The following MAN1A2 variants were observed in gnomAD, a reference collection of about 807,000 sequenced individuals.
MAN1A2 encodes mannosidase alpha class 1A member 2.
A neutral mutation model predicts 75.7 loss-of-function variants in MAN1A2; 26 were observed. The observed-to-expected ratio is 0.34, with a 90% CI of 0.25 to 0.48. The LOEUF (loss-of-function observed/expected upper bound fraction) is 0.48, where lower values mean the gene tolerates loss of function less well. Among genes scored for constraint, MAN1A2 ranks in the 20% least tolerant of loss-of-function variants. The probability of loss-of-function intolerance (pLI) is 0.99; values close to 1 mark genes in which losing one functional copy is unlikely to be tolerated. For missense variants in MAN1A2, 562 were observed against 775.5 expected, an observed-to-expected ratio of 0.72 and a Z score of 3.27; for synonymous variants, 247 against 264.6, an observed-to-expected ratio of 0.93 and a Z score of 0.65.
intron 1 of MAN1A2, among the ~76,000 whole-genome samples, chr1:117,374,265 C>T (rs1047304595): frequency 1.3e-5 from 2 of 152,124 alleles, no homozygotes; most frequent in African/African-American, 2.4e-5. Context: ...TCCGTGCATT[C>T]CAGCCTGAGA....
At chr1:117,443,941 G>T (rs1029334388) in intron 6 of MAN1A2, among the ~76,000 whole-genome samples, 1 of 151,754 alleles carries the variant, frequency 6.6e-6, no homozygotes, top group East Asian at 1.9e-4. Flanking sequence ...TTTGGCTGGG[G>T]TCTACGCATT....
At chr1:117,389,173 G>A (rs909729977) in intron 1 of MAN1A2, among the ~76,000 whole-genome samples, 1 of 152,140 alleles carries the variant, frequency 6.6e-6, no homozygotes, top group African/African-American at 2.4e-5. Context: ...AAGAAAGAAC[G>A]AGTTACTATG....
intron 3 of MAN1A2, among the ~76,000 whole-genome samples, chr1:117,414,006 T>G (rs546491932): frequency 2.6e-5 from 4 of 152,060 alleles, no homozygotes; most frequent in African/African-American, 7.2e-5. Flanking sequence ...GGTTTTGAAT[T>G]AATTCTTCCC....
chr1:117,435,760 T>A (rs1183031099), intron 5 of MAN1A2, among the ~76,000 whole-genome samples: 3 of 152,222 alleles, frequency 2.0e-5, no homozygotes, highest in African/African-American at 7.2e-5. Flanking sequence ...TAATAGATAA[T>A]AAAATATGGA....
Position 117,445,713 on chromosome 1 carries a change from G to C in MAN1A2, c.950+3388G>C, listed in dbSNP as rs147586632. On this transcript the variant is annotated intron_variant, in intron 6 of 12. Coordinates refer to ENST00000356554, the MANE Select transcript of MAN1A2 (RefSeq NM_006699.5). ...AGGTAATTTTGTTTATTTTTGTAGAGGTGGGCTCTCACTGTCTTGCCTAGT... is the reference window on the plus strand; with the variant it reads ...AGGTAATTTTGTTTATTTTTGTAGACGTGGGCTCTCACTGTCTTGCCTAGT... Among the ~76,000 whole-genome samples the C allele has an allele frequency of 6.5e-3, 985 of 151,516 alleles. 6 individuals are homozygous for C. The highest frequency in any genetic ancestry group is 0.022 in the African/African-American group (929 of 41,324).
At chr1:117,518,198 A>G (rs1056660622) in intron 12 of MAN1A2, among the ~76,000 whole-genome samples, 1 of 152,038 alleles carries the variant, frequency 6.6e-6, no homozygotes, top group African/African-American at 2.4e-5. Context: ...AAAGAACTCA[A>G]AAAGTACCAA....
chr1:117,373,813 A>G (rs1250466343), intron 1 of MAN1A2, among the ~76,000 whole-genome samples: 15 of 152,230 alleles, frequency 9.9e-5, no homozygotes, highest in African/African-American at 3.4e-4. Context: ...TTTTATCGAT[A>G]TGGATACTTT....
intron 5 of MAN1A2, among the ~76,000 whole-genome samples, chr1:117,429,843 G>C (rs1283176493): frequency 1.3e-5 from 1 of 75,264 alleles, no homozygotes; most frequent in Non-Finnish European, 3.1e-5. Flanking sequence ...GGGGGCGGCT[G>C]GCCGGGCGGG....
Position 117,499,515 on chromosome 1 carries a change from C to G in MAN1A2, c.1638C>G (p.His546Gln). 6.2e-7 allele frequency: 1 copy of G among 1,607,816 alleles called. No homozygotes were observed. Among genetic ancestry groups the G allele is most frequent in the African/African-American group, 1.3e-5 (1 of 74,514 alleles). The change falls in exon 11 of 13, where the codon CAC becomes CAG. Residue 546 changes from histidine to glutamine, a missense_variant. His to Gln is a conservative substitution (Grantham distance 24). Transcript: ENST00000356554. ...ATTGGTACCTATGGCGATTCACTCACGATCCAAGATACAGGCAGTGGGGCT... is the reference window on the plus strand; with the variant it reads ...ATTGGTACCTATGGCGATTCACTCAGGATCCAAGATACAGGCAGTGGGGCT... ...ETYWYLWRFT[H>Q]DPRYRQWGWE...
Position 117,382,971 on chromosome 1 carries a change from C to T in MAN1A2, c.302+14486C>T, listed in dbSNP as rs150199910. Among the ~76,000 whole-genome samples, 864 of 152,298 alleles carry T rather than the reference C, an allele frequency of 5.7e-3. 6 individuals are homozygous for T. Among genetic ancestry groups the T allele is most frequent in the African/African-American group, 0.02 (819 of 41,566 alleles). On this transcript the variant is annotated intron_variant, in intron 1 of 12. Coordinates refer to ENST00000356554, the MANE Select transcript of MAN1A2 (RefSeq NM_006699.5). ...TTACTATCTGTAGGATCATGGTCAT[C>T]TGTGAATTGAATTGATTTTACTTCT...
At position 117,402,427 on chromosome 1, in the gene MAN1A2, G is replaced by A. The variant is rs1409925555; in HGVS notation, c.544G>A (p.Glu182Lys). 3.1e-6 allele frequency: 5 copies of A among 1,591,410 alleles called. No homozygotes were observed. The highest frequency in any genetic ancestry group is 1.9e-5 in the Admixed American group (1 of 53,812). Residue 182 changes from glutamate to lysine, a missense_variant, in exon 2 of 13, where the codon GAA becomes AAA. Glu to Lys is a moderately conservative substitution (Grantham distance 56, BLOSUM62 1). This residue lies in a region of MAN1A2 where 434 missense variants were observed against 645.7 expected (regional missense o/e 0.67). Transcript: ENST00000356554. ...AGATAATGACATAAGAGAGAAAAGG[G>A]AAAAAATTAAAGAGGTAATAAGCTG... ...PEDNDIREKR[E>K]KIKEMMKHAW... is the part of the protein sequence containing the mutation.
At chr1:117,445,886 A>ATATG (rs1649216328) in intron 6 of MAN1A2, among the ~76,000 whole-genome samples, 1 of 142,942 alleles carries the variant, frequency 7.0e-6, no homozygotes, top group South Asian at 2.2e-4. Context: ...GTGTGTGTGT[A>ATATG]TATATATATA....
chr1:117,434,223 G>A (rs1040464088), intron 5 of MAN1A2, among the ~76,000 whole-genome samples: 1 of 152,072 alleles, frequency 6.6e-6, no homozygotes, highest in African/African-American at 2.4e-5. Flanking sequence ...GCTATATCAC[G>A]ATTTTCTGTC....
At chr1:117,478,900 TTTTC>T (rs1355898420) in intron 8 of MAN1A2, among the ~76,000 whole-genome samples, 23 of 151,842 alleles carry the variant, frequency 1.5e-4, no homozygotes, top group Admixed American at 1.2e-3. Flanking sequence ...GTCCTTTGCA[TTTTC>T]TTTCTTTCTT....
Position 117,447,964 on chromosome 1 carries a change from T to C in MAN1A2, c.950+5639T>C, listed in dbSNP as rs142822690. Among the ~76,000 whole-genome samples, 34 of 152,308 alleles carry C rather than the reference T, an allele frequency of 2.2e-4. No homozygotes were observed. The East Asian group carries it at 6.2e-3, about 28-fold the overall frequency. On this transcript the variant is annotated intron_variant, in intron 6 of 12. Transcript: ENST00000356554. The stretch of plus-strand genomic sequence containing the variant: ...GTTTTTTCTAATTCTGTGAAGAATG[T>C]CAGTGATTTAATGGAAATAGCATTG...
chr1:117,426,024 G>C (rs1648360330), intron 5 of MAN1A2, among the ~76,000 whole-genome samples: 1 of 151,988 alleles, frequency 6.6e-6, no homozygotes, highest in Admixed American at 6.5e-5. Context: ...TTGGTAGTGA[G>C]TTCTTTTAGT....
At chr1:117,385,342 C>G (rs1332650792) in intron 1 of MAN1A2, among the ~76,000 whole-genome samples, 2 of 152,132 alleles carry the variant, frequency 1.3e-5, no homozygotes, top group Non-Finnish European at 2.9e-5. Flanking sequence ...AAGAGAAGAA[C>G]CTATATAGGT....
intron 8 of MAN1A2, among the ~76,000 whole-genome samples, chr1:117,489,631 C>T (rs560931009): frequency 1.9e-4 from 29 of 152,068 alleles, no homozygotes; most frequent in Middle Eastern, 3.4e-3. Context: ...CTTTAACGTA[C>T]GAAGCTATCC....
chr1:117,369,941 A>G (rs1374967838), intron 1 of MAN1A2, among the ~76,000 whole-genome samples: 2 of 152,172 alleles, frequency 1.3e-5, no homozygotes, highest in African/African-American at 4.8e-5. Flanking sequence ...ACTTAGCTCT[A>G]TTATTAATAG....
Sources: allele counts gnomAD v4.1 joint callset (sites outside exome capture counted in the v4.1 genomes callset), GRCh38; gene constraint gnomAD v4.1.1; regional missense constraint gnomAD v4.1.1; transcripts MANE v1.5; gene names NCBI Gene and HGNC (gene_info 2026-07-23, HGNC 2026-07-21).